Variants in TEC observed in about 807,000 individuals in gnomAD.
The protein encoded by TEC is tec protein tyrosine kinase.
Under a neutral mutation model 93.0 loss-of-function variants are expected in TEC, and 72 were observed. The ratio of observed to expected loss-of-function variants is 0.77; its 90% CI spans 0.64 to 0.94. The LOEUF is 0.94. TEC is among the 40% of genes least tolerant of loss of function. The pLI, the probability that TEC is intolerant of heterozygous loss-of-function variation, is 0.00. For missense variants in TEC, 630 were observed against 757.9 expected (o/e 0.83, Z 1.98); for synonymous variants, 249 against 247.7 (o/e 1.01, Z -0.05).
chr4:48,222,309 G>A (rs761637712), intron 2 of TEC, among the ~76,000 whole-genome samples: 3 of 152,126 alleles, frequency 2.0e-5, no homozygotes, highest in African/African-American at 7.2e-5. Context: ...CAAGTACTTC[G>A]TATCCCAAAC....
At chr4:48,151,848 T>C (rs1200815004) in intron 9 of TEC, among the ~76,000 whole-genome samples, 4 of 151,738 alleles carry the variant, frequency 2.6e-5, no homozygotes, top group South Asian at 4.2e-4. Context: ...AGAAAATCAA[T>C]AGTTGGAAAC....
At chr4:48,150,780 T>C in intron 10 of TEC, 83 bp downstream of exon 10, 1 of 987,398 alleles carries the variant, frequency 1.0e-6, no homozygotes, top group East Asian at 2.7e-5. Flanking sequence ...CATATTTTTA[T>C]GAAAATTAGG....
intron 2 of TEC, among the ~76,000 whole-genome samples, chr4:48,224,286 G>A (rs1723365542): frequency 6.6e-6 from 1 of 152,162 alleles, no homozygotes; most frequent in Admixed American, 6.6e-5. Context: ...TGATTTCTTA[G>A]CTAATGATAG....
chr4:48,212,517 G>A (rs576694310), intron 2 of TEC, among the ~76,000 whole-genome samples: 36 of 152,142 alleles, frequency 2.4e-4, no homozygotes, highest in Non-Finnish European at 4.3e-4. Context: ...AAAATAGTCC[G>A]TGGGCAAATC....
chr4:48,218,670 A>G (rs896988928), intron 2 of TEC, among the ~76,000 whole-genome samples: 1 of 152,148 alleles, frequency 6.6e-6, no homozygotes, highest in Non-Finnish European at 1.5e-5. Flanking sequence ...ACTAAGGGAG[A>G]AACATCAGAT....
chr4:48,162,472 C>T (rs2109534489), intron 8 of TEC, among the ~76,000 whole-genome samples: 1 of 152,326 alleles, frequency 6.6e-6, no homozygotes, highest in Middle Eastern at 3.4e-3. Flanking sequence ...CATCCTCTTT[C>T]CCCAAATTCA....
chr4:48,220,393 G>A (rs111638238), intron 2 of TEC, among the ~76,000 whole-genome samples: 10 of 152,150 alleles, frequency 6.6e-5, no homozygotes, highest in African/African-American at 2.4e-4. Flanking sequence ...TGGGTCATGG[G>A]GGGCAGATCC....
chr4:48,256,920 C>T (rs905360851), intron 1 of TEC, among the ~76,000 whole-genome samples: 3 of 152,126 alleles, frequency 2.0e-5, no homozygotes, highest in African/African-American at 7.2e-5. Flanking sequence ...ATATGACAGC[C>T]ACTTGCCACC....
chr4:48,141,250 TAAC>T lies in TEC; in HGVS notation c.1535+102_1535+104del, dbSNP rs764931581. The T allele has an allele frequency of 3.1e-6, 3 of 969,310 alleles. No homozygotes were observed. In the East Asian group the frequency reaches 7.5e-5, roughly 24 times the overall value. 60.0% of individuals were successfully genotyped at this position (969,310 alleles called of 1,614,324 possible). ...TACTTAATTTAATCTGAGAACCAGTTAACAAGATTTCCTTTCTGCTTCATCAGT... is the reference window on the plus strand; with the variant it reads ...TACTTAATTTAATCTGAGAACCAGTTAAGATTTCCTTTCTGCTTCATCAGT... On this transcript the variant is annotated intron_variant, in intron 15 of 17. Coordinates refer to ENST00000381501, the MANE Select transcript of TEC (RefSeq NM_003215.3).
intron 8 of TEC, among the ~76,000 whole-genome samples, chr4:48,161,443 C>T (rs950555802): frequency 6.6e-6 from 1 of 152,032 alleles, no homozygotes; most frequent in Non-Finnish European, 1.5e-5. Flanking sequence ...CTCCTCCCTA[C>T]ACTGTTGACT....
chr4:48,264,998 G>A (rs948455078), intron 1 of TEC, among the ~76,000 whole-genome samples: 2 of 144,362 alleles, frequency 1.4e-5, no homozygotes, highest in African/African-American at 5.2e-5. Context: ...AAGGGCATTA[G>A]TTACACAAGG....
At chr4:48,265,497 G>GTGTATATATA (rs140621313) in intron 1 of TEC, among the ~76,000 whole-genome samples, 8 of 118,664 alleles carry the variant, frequency 6.7e-5, no homozygotes, top group African/African-American at 2.5e-4. Flanking sequence ...ATATATGTGT[G>GTGTATATATA]TATATATATA....
chr4:48,196,684 A>T (rs1302961242), intron 2 of TEC, among the ~76,000 whole-genome samples: 1 of 152,226 alleles, frequency 6.6e-6, no homozygotes, highest in Non-Finnish European at 1.5e-5. Flanking sequence ...ATGTCTTATA[A>T]AAGCCATGAA....
intron 11 of TEC, among the ~76,000 whole-genome samples, chr4:48,146,638 T>G (rs1308624549): frequency 6.6e-6 from 1 of 152,174 alleles, no homozygotes; most frequent in African/African-American, 2.4e-5. Context: ...TTAAAGGATG[T>G]TAAAAGGTTT....
chr4:48,158,727 A>G (rs1489257233), intron 8 of TEC, among the ~76,000 whole-genome samples: 2 of 152,212 alleles, frequency 1.3e-5, no homozygotes, highest in Admixed American at 1.3e-4. Context: ...TCAAGAGGAA[A>G]CCAAACATAA....
chr4:48,203,756 G>T (rs1447803246), intron 2 of TEC, among the ~76,000 whole-genome samples: 1 of 152,002 alleles, frequency 6.6e-6, no homozygotes, highest in Admixed American at 6.6e-5. Context: ...TCATAGTAGG[G>T]GTTCATGAAG....
chr4:48,149,717 A>G, intron 10 of TEC, 27 bp from the exon 11 acceptor site: 2 of 1,580,712 alleles, frequency 1.3e-6, no homozygotes, highest in Non-Finnish European at 1.7e-6. Flanking sequence ...AATGTGTCAG[A>G]ACCAAGTTGA....
chr4:48,205,220 A>G (rs1722663918), intron 2 of TEC, among the ~76,000 whole-genome samples: 1 of 152,194 alleles, frequency 6.6e-6, no homozygotes, highest in Non-Finnish European at 1.5e-5. Context: ...GGCACCCTCT[A>G]GGGTTATGCA....
chr4:48,224,531 T>C (rs1402132888), intron 2 of TEC, among the ~76,000 whole-genome samples: 1 of 152,158 alleles, frequency 6.6e-6, no homozygotes, highest in Non-Finnish European at 1.5e-5. Context: ...TTATGAAACC[T>C]CCAGTGTCCT....
Sources: allele counts gnomAD v4.1 joint callset (sites outside exome capture counted in the v4.1 genomes callset), GRCh38; gene constraint gnomAD v4.1.1; transcripts MANE v1.5; gene names NCBI Gene and HGNC (gene_info 2026-07-23, HGNC 2026-07-21).